Variants in CD38 observed in about 807,000 individuals in gnomAD.
CD38 encodes the protein ADP-ribosyl cyclase/cyclic ADP-ribose hydrolase 1.
Under a neutral mutation model 36.3 loss-of-function variants are expected in CD38, and 31 were observed. That is an observed-to-expected ratio of 0.85 (90% CI 0.64 to 1.15). The LOEUF (loss-of-function observed/expected upper bound fraction) is 1.15, where lower values mean the gene tolerates loss of function less well. CD38 is among the 50% of genes most tolerant of loss of function. The pLI is 0.00. For synonymous variants in CD38, 131 were observed against 135.2 expected, an observed-to-expected ratio of 0.97 and a Z score of 0.22; for missense variants, 380 against 371.9, an observed-to-expected ratio of 1.02 and a Z score of -0.18.
chr4:15,830,539 G>T (rs1303331737), intron 3 of CD38, among the ~76,000 whole-genome samples: 1 of 151,956 alleles, frequency 6.6e-6, no homozygotes. Context: ...CCATTCTGTG[G>T]GCTCTCTCTT....
At chr4:15,782,533 G>A (rs1245149584) in intron 1 of CD38, among the ~76,000 whole-genome samples, 1 of 152,144 alleles carries the variant, frequency 6.6e-6, no homozygotes, top group East Asian at 1.9e-4. Context: ...TGAGGACCTA[G>A]AATAGTGCCT....
At chr4:15,801,911 C>T (rs1243882379) in intron 1 of CD38, among the ~76,000 whole-genome samples, 1 of 152,150 alleles carries the variant, frequency 6.6e-6, no homozygotes, top group Non-Finnish European at 1.5e-5. Context: ...ACCCTCACTA[C>T]TCTGATTCCA....
intron 4 of CD38, among the ~76,000 whole-genome samples, chr4:15,837,514 T>TTCA (rs1208087590): frequency 1.3e-5 from 2 of 152,172 alleles, no homozygotes. Context: ...CACTATTTTG[T>TTCA]TCATTTCATT....
At chr4:15,793,081 T>C (rs1723038793) in intron 1 of CD38, among the ~76,000 whole-genome samples, 2 of 152,134 alleles carry the variant, frequency 1.3e-5, no homozygotes, top group Non-Finnish European at 2.9e-5. Context: ...CCCTTTATTA[T>C]CTGTTGACTG....
chr4:15,806,816 C>T (rs921420936), intron 1 of CD38, among the ~76,000 whole-genome samples: 1 of 152,136 alleles, frequency 6.6e-6, no homozygotes, highest in African/African-American at 2.4e-5. Flanking sequence ...CTCAGGTCAC[C>T]GTTTGCGGAG....
At chr4:15,782,185 C>A (rs977811244) in intron 1 of CD38, among the ~76,000 whole-genome samples, 1 of 152,176 alleles carries the variant, frequency 6.6e-6, no homozygotes, top group Admixed American at 6.5e-5. Flanking sequence ...TGGAGCCTGG[C>A]AAGCCCACTC....
At chr4:15,802,817 T>G (rs113268979) in intron 1 of CD38, among the ~76,000 whole-genome samples, 1 of 152,160 alleles carries the variant, frequency 6.6e-6, no homozygotes, top group East Asian at 1.9e-4. Context: ...AGTGCTGGTA[T>G]TACAGGCATG....
At chr4:15,847,341 T>G in intron 7 of CD38, among the ~76,000 whole-genome samples, 1 of 18,886 alleles carries the variant, frequency 5.3e-5, no homozygotes, top group South Asian at 2.7e-3. Context: ...TTCTCACTCA[T>G]AGGTGGGAAT....
Position 15,824,995 on chromosome 4 carries a change from TGTG to T in CD38, c.482_484del (p.Gly161del), listed in dbSNP as rs780328372. 6.2e-6 allele frequency: 10 copies of T among 1,612,918 alleles called. No homozygotes were observed. Among genetic ancestry groups the T allele is most frequent in the Non-Finnish European group, 7.6e-6 (9 of 1,179,394 alleles). The stretch of plus-strand genomic sequence containing the variant: ...CTACCTTGCTGATGACCTCACATGG[TGTG>T]GTGAATTCAACACTTCCAGTGAGGC... On this transcript the variant is annotated inframe_deletion, in exon 3 of 8. Coordinates refer to ENST00000226279, the MANE Select transcript of CD38 (RefSeq NM_001775.4).
chr4:15,820,280 C>T (rs1195991846), intron 2 of CD38, among the ~76,000 whole-genome samples: 5 of 152,152 alleles, frequency 3.3e-5, no homozygotes, highest in East Asian at 1.9e-4. Flanking sequence ...GAAGCAACTA[C>T]GTAAACAAAT....
chr4:15,826,570 TA>T (rs1194751681), intron 3 of CD38, among the ~76,000 whole-genome samples: 2 of 151,696 alleles, frequency 1.3e-5, no homozygotes, highest in Admixed American at 1.3e-4. Flanking sequence ...TAGAAACTGG[TA>T]ACATGTCATT....
intron 3 of CD38, among the ~76,000 whole-genome samples, chr4:15,826,341 G>C (rs185814397): frequency 5.9e-4 from 90 of 152,122 alleles, no homozygotes; most frequent in Non-Finnish European, 9.1e-4. Flanking sequence ...AAATTGGTAG[G>C]TATAAAGATA....
intron 2 of CD38, among the ~76,000 whole-genome samples, chr4:15,823,137 A>G (rs187233064): frequency 2.0e-5 from 3 of 152,340 alleles, no homozygotes; most frequent in Non-Finnish European, 2.9e-5. Context: ...TATGCAGACA[A>G]TTGAAACTGG....
At chr4:15,784,931 C>G (rs1419192727) in intron 1 of CD38, among the ~76,000 whole-genome samples, 1 of 152,120 alleles carries the variant, frequency 6.6e-6, no homozygotes, top group Non-Finnish European at 1.5e-5. Flanking sequence ...TTGCGTGCAC[C>G]TGTAGTCCCA....
chr4:15,788,485 CCAAA>C (rs150810063), intron 1 of CD38, among the ~76,000 whole-genome samples: 9,136 of 152,004 alleles, frequency 0.06, 313 homozygotes, highest in Non-Finnish European at 0.065. Context: ...GCGCAGGTCC[CCAAA>C]CAGAGGGGAG....
Position 15,816,509 on chromosome 4 carries a change from A to C in CD38, c.234-2A>C. On this transcript the variant is annotated splice_acceptor_variant, in intron 1 of 7. Coordinates refer to ENST00000226279, the MANE Select transcript of CD38 (RefSeq NM_001775.4). LOFTEE classifies it high-confidence loss of function. ...TGTTTTATTTTCTGTGTTTTATCTCAGACATGTAGACTGCCAAAGTGTATG... is the reference window on the plus strand; with the variant it reads ...TGTTTTATTTTCTGTGTTTTATCTCCGACATGTAGACTGCCAAAGTGTATG... The C allele has an allele frequency of 6.3e-7, 1 of 1,593,092 alleles. No homozygotes were observed. Among genetic ancestry groups the C allele is most frequent in the South Asian group, 1.2e-5 (1 of 86,568 alleles).
intron 1 of CD38, among the ~76,000 whole-genome samples, chr4:15,793,740 G>A (rs375589373): frequency 6.6e-6 from 1 of 152,182 alleles, no homozygotes; most frequent in Non-Finnish European, 1.5e-5. Flanking sequence ...TTTGATTTTG[G>A]CTTGGATGGT....
At chr4:15,825,127 C>A in intron 3 of CD38, 111 bp downstream of exon 3, 1 of 1,008,994 alleles carries the variant, frequency 9.9e-7, no homozygotes, top group Non-Finnish European at 1.5e-6. Flanking sequence ...AGGCACCCAT[C>A]CTGATGCCAT....
At chr4:15,829,835 A>G (rs1205875291) in intron 3 of CD38, among the ~76,000 whole-genome samples, 1 of 152,220 alleles carries the variant, frequency 6.6e-6, no homozygotes, top group Non-Finnish European at 1.5e-5. Context: ...AAGTGAGAAC[A>G]TCCTATGTTT....
Sources: gnomAD v4.1 joint callset for allele counts (sites outside exome capture counted in the v4.1 genomes callset) on GRCh38, gnomAD v4.1.1 for gene constraint, MANE v1.5 for transcripts, NCBI Gene and HGNC (gene_info 2026-07-23, HGNC 2026-07-21) for gene names.